The following ITSN2 variants were observed in gnomAD, a reference collection of about 807,000 sequenced individuals.
ITSN2 encodes the protein intersectin-2.
In ITSN2, 156 loss-of-function variants were observed where a neutral mutation model predicts 243.7. The observed-to-expected ratio is 0.64, with a 90% CI of 0.56 to 0.73. The LOEUF (loss-of-function observed/expected upper bound fraction) is 0.73, where lower values mean the gene tolerates loss of function less well. ITSN2 is among the 30% of genes least tolerant of loss of function. The pLI is 0.00. For missense variants in ITSN2, 1,801 were observed against 1,996.1 expected (o/e 0.90, Z 1.86); for synonymous variants, 703 against 699.9 (o/e 1.00, Z -0.07).
At chr2:24,305,577 A>C (rs1017397085) in intron 8 of ITSN2, among the ~76,000 whole-genome samples, 3 of 102,538 alleles carry the variant, frequency 2.9e-5, no homozygotes, top group Admixed American at 8.9e-5. Flanking sequence ...ACTCTGTCTC[A>C]AAAAAAAAAA....
intron 18 of ITSN2, 79 bp from the exon 19 acceptor site, chr2:24,272,020 C>T (rs1677422112): frequency 8.3e-7 from 1 of 1,201,934 alleles, no homozygotes; most frequent in Non-Finnish European, 1.1e-6. Context: ...AGATCTGGTT[C>T]CTGTCAAGGT....
intron 29 of ITSN2, among the ~76,000 whole-genome samples, chr2:24,237,200 A>G (rs941031876): frequency 4.6e-5 from 7 of 152,220 alleles, no homozygotes; most frequent in African/African-American, 1.7e-4. Context: ...AACAATGAAG[A>G]GGTAATACAT....
At chr2:24,266,206 G>A (rs1234059588) in intron 20 of ITSN2, among the ~76,000 whole-genome samples, 4 of 152,018 alleles carry the variant, frequency 2.6e-5, no homozygotes, top group Admixed American at 6.5e-5. Context: ...ATATAAATTA[G>A]TATTGAAATT....
At chr2:24,359,309 TAACA>T (rs1235516081) in intron 1 of ITSN2, among the ~76,000 whole-genome samples, 1 of 152,176 alleles carries the variant, frequency 6.6e-6, no homozygotes, top group Non-Finnish European at 1.5e-5. Context: ...CTGAGCTCAC[TAACA>T]ACGTAAAATT....
intron 29 of ITSN2, among the ~76,000 whole-genome samples, chr2:24,234,396 C>T (rs1243471700): frequency 6.6e-6 from 1 of 151,982 alleles, no homozygotes; most frequent in African/African-American, 2.4e-5. Flanking sequence ...TATAAAGCTC[C>T]CAGAAAATAG....
chr2:24,226,804 T>C (rs1671074223), intron 29 of ITSN2, among the ~76,000 whole-genome samples: 5 of 152,238 alleles, frequency 3.3e-5, no homozygotes, highest in Admixed American at 2.6e-4. Flanking sequence ...AAATGTTTAC[T>C]GAATGTAGCT....
chr2:24,300,075 G>C lies in ITSN2; in HGVS notation c.1178C>G (p.Ala393Gly), dbSNP rs141131412. The C allele has an allele frequency of 6.2e-7, 1 of 1,613,862 alleles. No individual in the cohort carries two copies. The highest frequency in any genetic ancestry group is 1.3e-5 in the African/African-American group (1 of 74,912). ...QALMEQQQREAERKAQKEKEE... is the reference protein window; with the variant it reads ...QALMEQQQREGERKAQKEKEE... ...CTTTTCTTTCTGGGCTTTACGTTCTGCCTCCCTTTGTTGCTGCTCCATCAA... is the reference window on the plus strand; with the variant it reads ...CTTTTCTTTCTGGGCTTTACGTTCTCCCTCCCTTTGTTGCTGCTCCATCAA... Residue 393 changes from alanine to glycine, a missense_variant, in exon 12 of 40, where the codon GCA becomes GGA. Around this residue, in one of 5 missense-constraint regions of ITSN2, gnomAD observed 787 missense variants for 803.9 expected, o/e 0.98. Transcript: ENST00000355123.
chr2:24,338,405 T>C (rs759065898), intron 1 of ITSN2, among the ~76,000 whole-genome samples: 1 of 152,188 alleles, frequency 6.6e-6, no homozygotes, highest in South Asian at 2.1e-4. Context: ...CTCCCTAAAA[T>C]GTATAAAACC....
At chr2:24,336,064 A>AC (rs1328857893) in intron 1 of ITSN2, among the ~76,000 whole-genome samples, 1 of 148,108 alleles carries the variant, frequency 6.8e-6, no homozygotes, top group Non-Finnish European at 1.5e-5. Flanking sequence ...ACATGGTGGA[A>AC]CCCCGTCTCT....
At position 24,204,161 on chromosome 2, in the gene ITSN2, C is replaced by T. The variant is rs1014497759; in HGVS notation, c.4936+84G>A. 7.2e-7 allele frequency: 1 copy of T among 1,383,004 alleles called. No homozygotes were observed. Among genetic ancestry groups the T allele is most frequent in the Non-Finnish European group, 1.0e-6 (1 of 981,260 alleles). The allele number at this position is 1,383,004 out of a possible 1,614,324, so 85.7% of individuals were successfully genotyped here. On this transcript the variant is annotated intron_variant, in intron 39 of 39. Transcript: ENST00000355123. The surrounding 1 kb of genome is among the most constrained non-coding windows in gnomAD (Gnocchi z 5.1). ...CTTCCCTGAAGTGGCATGGGGTCTG[C>T]ACACAGCTGAAGCCCCTAGATCTGG...
At chr2:24,310,465 A>C in intron 6 of ITSN2, 24 bp downstream of exon 6, 14 of 1,609,916 alleles carry the variant, frequency 8.7e-6, no homozygotes, top group Non-Finnish European at 1.2e-5. Context: ...TGAAATAATG[A>C]CTCTTTAGAA....
chr2:24,333,912 C>A (rs1686056267), intron 1 of ITSN2, among the ~76,000 whole-genome samples: 1 of 152,152 alleles, frequency 6.6e-6, no homozygotes, highest in African/African-American at 2.4e-5. Context: ...TTTTTTGAGA[C>A]AGAGTCTCAT....
At chr2:24,312,135 C>A in intron 5 of ITSN2, 77 bp downstream of exon 5, 1 of 1,210,036 alleles carries the variant, frequency 8.3e-7, no homozygotes, top group Non-Finnish European at 1.1e-6. Flanking sequence ...GCTAACAAAT[C>A]CTTTTCTAAT....
At position 24,298,819 on chromosome 2, in the gene ITSN2, A is replaced by T. The variant is rs1187376945; in HGVS notation, c.1345-5T>A. ...TTCAAGTTCCTGTTTTGCTGCCTGA[A>T]AAAAAAAAGGAATTATACTTAATTT... is the stretch of plus-strand genomic sequence containing the variant. On this transcript the variant is annotated splice_region_variant and splice_polypyrimidine_tract_variant and intron_variant, in intron 12 of 39. Coordinates refer to ENST00000355123, the MANE Select transcript of ITSN2 (RefSeq NM_006277.3). 1 of 1,559,174 alleles carries T rather than the reference A, an allele frequency of 6.4e-7. No individual in the cohort carries two copies. The highest frequency in any genetic ancestry group is 1.4e-5 in the African/African-American group (1 of 71,502).
intron 14 of ITSN2, among the ~76,000 whole-genome samples, chr2:24,295,176 C>T (rs562287284): frequency 2.0e-5 from 3 of 152,280 alleles, no homozygotes; most frequent in South Asian, 2.1e-4. Flanking sequence ...CTTAACCAGA[C>T]GTCTAGCAGA....
chr2:24,301,288 C>G (rs200416596), intron 10 of ITSN2, 49 bp from the exon 11 acceptor site: 1 of 1,128,302 alleles, frequency 8.9e-7, no homozygotes, highest in African/African-American at 1.5e-5. Context: ...TGGACATTTT[C>G]AGACTAGATT....
intron 20 of ITSN2, among the ~76,000 whole-genome samples, chr2:24,264,306 G>A (rs1049522773): frequency 4.0e-5 from 6 of 151,658 alleles, no homozygotes; most frequent in East Asian, 3.9e-4. Flanking sequence ...CAGGAGAATC[G>A]CTTGAACCAG....
At chr2:24,222,057 C>T (rs1246983187) in intron 29 of ITSN2, among the ~76,000 whole-genome samples, 1 of 152,064 alleles carries the variant, frequency 6.6e-6, no homozygotes. Context: ...TCGAGACCAT[C>T]CTGGCTAACA....
At chr2:24,251,311 A>AAAAAAAAAT (rs1232860955) in intron 25 of ITSN2, among the ~76,000 whole-genome samples, 57 of 4,234 alleles carry the variant, frequency 0.013, 27 homozygotes, top group East Asian at 0.027. Flanking sequence ...CTCCATCTCA[A>AAAAAAAAAT]AAAAAAAAAA....
Sources: allele counts gnomAD v4.1 joint callset (sites outside exome capture counted in the v4.1 genomes callset), GRCh38; gene constraint gnomAD v4.1.1; regional missense constraint gnomAD v4.1.1; non-coding constraint Gnocchi (gnomAD v3.1); transcripts MANE v1.5; gene names NCBI Gene and HGNC (gene_info 2026-07-23, HGNC 2026-07-21).